Variants in AMBRA1 observed in about 807,000 individuals in gnomAD.
AMBRA1 encodes the protein autophagy and beclin 1 regulator 1, also known as activating molecule in BECN1-regulated autophagy protein 1.
In AMBRA1, 47 loss-of-function variants were observed where a neutral mutation model predicts 125.4. That is an observed-to-expected ratio of 0.37 (90% CI 0.30 to 0.48). The LOEUF (loss-of-function observed/expected upper bound fraction) is 0.48, where lower values mean the gene tolerates loss of function less well. AMBRA1 is among the 20% of genes least tolerant of loss of function. The pLI is 0.99. For missense variants in AMBRA1, 1,331 were observed against 1,693.4 expected, an observed-to-expected ratio of 0.79 and a Z score of 3.76; for synonymous variants, 626 against 655.5, an observed-to-expected ratio of 0.95 and a Z score of 0.69.
intron 7 of AMBRA1, among the ~76,000 whole-genome samples, chr11:46,523,228 G>T (rs1283773346): frequency 6.6e-6 from 1 of 152,134 alleles, no homozygotes; most frequent in Non-Finnish European, 1.5e-5. Context: ...AGTGACATTT[G>T]ATTTCACTGA....
intron 11 of AMBRA1, among the ~76,000 whole-genome samples, chr11:46,482,445 A>T (rs1223870181): frequency 1.2e-4 from 18 of 152,218 alleles, no homozygotes; most frequent in African/African-American, 4.3e-4. Flanking sequence ...AATATTACAA[A>T]AAGCAGCCAC....
In AMBRA1 at chr11:46,396,859, C is replaced by T. The variant is rs1945485945; in HGVS notation, c.*591G>A. 6.5e-6 allele frequency: 1 copy of T among 152,682 alleles called. No homozygotes were observed. Among genetic ancestry groups the T allele is most frequent in the African/African-American group, 2.4e-5 (1 of 41,470 alleles). The allele number at this position is 152,682 out of a possible 1,614,324, so 9.5% of individuals were successfully genotyped here. On this transcript the variant is annotated 3_prime_UTR_variant, in exon 18 of 18. Coordinates refer to ENST00000683756, the MANE Select transcript of AMBRA1 (RefSeq NM_001387011.1). ...CCTGTATCAGGCAAGCAGGCGCCCCCTTACCCCACAGTAGTCCCCCATTAG... is the reference window on the plus strand; with the variant it reads ...CCTGTATCAGGCAAGCAGGCGCCCCTTTACCCCACAGTAGTCCCCCATTAG...
At chr11:46,504,422 T>C (rs1950957982) in intron 9 of AMBRA1, 1 of 152,172 alleles carries the variant, frequency 6.6e-6, no homozygotes, top group Non-Finnish European at 1.5e-5. Flanking sequence ...ATCTCCATTC[T>C]AGTAGGTGGT....
intron 14 of AMBRA1, among the ~76,000 whole-genome samples, chr11:46,426,513 A>C (rs1947145833): frequency 6.6e-6 from 1 of 152,246 alleles, no homozygotes; most frequent in South Asian, 2.1e-4. Flanking sequence ...CACAGAGGAA[A>C]GACACTGTCA....
At chr11:46,450,067 A>C (rs1425947100) in intron 11 of AMBRA1, among the ~76,000 whole-genome samples, 3 of 152,130 alleles carry the variant, frequency 2.0e-5, no homozygotes, top group African/African-American at 7.2e-5. Flanking sequence ...AAAAAAAAAA[A>C]AAAAAACAAC....
intron 1 of AMBRA1, among the ~76,000 whole-genome samples, chr11:46,587,002 A>G (rs1227949038): frequency 6.6e-6 from 1 of 152,208 alleles, no homozygotes; most frequent in Non-Finnish European, 1.5e-5. Context: ...TACTATAGGT[A>G]TATATACCTG....
At chr11:46,402,240 C>T (rs968695906) in intron 17 of AMBRA1, among the ~76,000 whole-genome samples, 3 of 152,138 alleles carry the variant, frequency 2.0e-5, no homozygotes, top group South Asian at 2.1e-4. Flanking sequence ...TTACACTGGG[C>T]GTGTATTTGT....
At chr11:46,409,009 A>G (rs1311113684) in intron 16 of AMBRA1, among the ~76,000 whole-genome samples, 2 of 152,278 alleles carry the variant, frequency 1.3e-5, no homozygotes, top group Admixed American at 1.3e-4. Context: ...GGAGCTGTAG[A>G]GATGGCTGAT....
chr11:46,436,223 T>C (rs1947710886), intron 12 of AMBRA1, among the ~76,000 whole-genome samples: 1 of 152,132 alleles, frequency 6.6e-6, no homozygotes, highest in Non-Finnish European at 1.5e-5. Flanking sequence ...CCCTAGGAAA[T>C]TACCTCAAGG....
chr11:46,563,202 C>G (rs1333232054), intron 1 of AMBRA1, among the ~76,000 whole-genome samples: 1 of 152,096 alleles, frequency 6.6e-6, no homozygotes, highest in Non-Finnish European at 1.5e-5. Flanking sequence ...GCCAGGAGTT[C>G]AAGACCAGCC....
chr11:46,517,576 T>G (rs1951554295), intron 7 of AMBRA1, among the ~76,000 whole-genome samples: 1 of 141,988 alleles, frequency 7.0e-6, no homozygotes, highest in African/African-American at 2.6e-5. Context: ...GGCTCACGCC[T>G]GTAATCCCAG....
chr11:46,408,623 G>A lies in AMBRA1; in HGVS notation c.3293C>T (p.Ser1098Leu). ...AGTCTGGGTGCCCTGAGATGTCACT[G>A]AGGTGGCAGGGTTCCGGGGCTGAAG... is the stretch of plus-strand genomic sequence containing the variant. ...IGLQPRNPATSVTSQGTQTLA... is the reference protein window; with the variant it reads ...IGLQPRNPATLVTSQGTQTLA... Residue 1098 changes from serine to leucine, a missense_variant, in exon 17 of 18, where the codon TCA becomes TTA. Ser to Leu is a moderately radical substitution (Grantham distance 145). Coordinates refer to ENST00000683756, the MANE Select transcript of AMBRA1 (RefSeq NM_001387011.1). 6.2e-7 allele frequency: 1 copy of A among 1,609,526 alleles called. No homozygotes were observed. The highest frequency in any genetic ancestry group is 2.2e-5 in the East Asian group (1 of 44,568).
At chr11:46,552,368 C>CAAAAAAAAAAAAAAAAAAAAA (rs56090695) in intron 1 of AMBRA1, among the ~76,000 whole-genome samples, 1 of 11,994 alleles carries the variant, frequency 8.3e-5, no homozygotes, top group African/African-American at 2.4e-4. Context: ...GACTCCATCT[C>CAAAAAAAAAAAAAAAAAAAAA]AAAAAAAAAA....
At chr11:46,473,791 C>T (rs544707098) in intron 11 of AMBRA1, among the ~76,000 whole-genome samples, 16 of 152,324 alleles carry the variant, frequency 1.1e-4, no homozygotes, top group Middle Eastern at 3.4e-3. Flanking sequence ...GCTGGCACTA[C>T]GGACACCCAC....
chr11:46,482,379 C>G (rs917108235), intron 11 of AMBRA1, among the ~76,000 whole-genome samples: 6 of 152,174 alleles, frequency 3.9e-5, no homozygotes, highest in Admixed American at 3.3e-4. Flanking sequence ...TTTATGTTAC[C>G]AGTCCAACGG....
intron 1 of AMBRA1, among the ~76,000 whole-genome samples, chr11:46,583,120 C>G (rs1282644829): frequency 1.3e-5 from 2 of 152,028 alleles, no homozygotes; most frequent in East Asian, 1.9e-4. Context: ...GCTACAGTAA[C>G]CAAAACAGCA....
At chr11:46,461,307 A>G (rs1280178352) in intron 11 of AMBRA1, among the ~76,000 whole-genome samples, 5 of 152,222 alleles carry the variant, frequency 3.3e-5, no homozygotes, top group Admixed American at 3.3e-4. Context: ...TGTTGAGGCA[A>G]ATAGGGCAAA....
intron 1 of AMBRA1, among the ~76,000 whole-genome samples, chr11:46,573,101 C>CA (rs36105565): frequency 0.21 from 25,155 of 117,614 alleles, 2,383 homozygotes; most frequent in African/African-American, 0.28. Context: ...AACTCTGTCT[C>CA]AAAAAAAAAA....
In AMBRA1 at chr11:46,593,904, A is replaced by G. The variant is rs910548448; in HGVS notation, c.-197T>C. On this transcript the variant is annotated 5_prime_UTR_variant, in exon 1 of 18. Transcript: ENST00000683756. ...CAGGGAAAAAGAAAGAGGAGACAGGAATAAAGGAAGGGGTCCGTTCTACCG... is the reference window on the plus strand; with the variant it reads ...CAGGGAAAAAGAAAGAGGAGACAGGGATAAAGGAAGGGGTCCGTTCTACCG... 4.8e-5 allele frequency: 19 copies of G among 398,442 alleles called. No homozygotes were observed. The highest frequency in any genetic ancestry group is 8.0e-5 in the Non-Finnish European group (18 of 226,104). The allele number at this position is 398,442 out of a possible 1,614,324, so 24.7% of individuals were successfully genotyped here.
Sources: gnomAD v4.1 joint callset for allele counts (sites outside exome capture counted in the v4.1 genomes callset) on GRCh38, gnomAD v4.1.1 for gene constraint, MANE v1.5 for transcripts, NCBI Gene and HGNC (gene_info 2026-07-23, HGNC 2026-07-21) for gene names.